The following CDH13 variants were observed in gnomAD, a reference collection of about 807,000 sequenced individuals.
CDH13 encodes the protein cadherin 13, also known as cadherin-13.
CDH13 carries 24 observed loss-of-function variants against 63.8 expected under a neutral mutation model. That is an observed-to-expected ratio of 0.38 (90% CI 0.27 to 0.53). The LOEUF is 0.53. Among genes scored for constraint, CDH13 ranks in the 20% least tolerant of loss-of-function variants. The pLI is 0.85. For missense variants in CDH13, 1,049 were observed against 903.1 expected (o/e 1.16, Z -2.07); for synonymous variants, 503 against 355.3 (o/e 1.42, Z -4.67).
chr16:82,841,354 G>A (rs1011264392), intron 1 of CDH13, among the ~76,000 whole-genome samples: 1 of 152,152 alleles, frequency 6.6e-6, no homozygotes, highest in Non-Finnish European at 1.5e-5. Flanking sequence ...TAACTATCAT[G>A]GGAGATACTA....
chr16:82,755,753 T>C (rs2034590091), intron 1 of CDH13, among the ~76,000 whole-genome samples: 1 of 152,204 alleles, frequency 6.6e-6, no homozygotes, highest in Non-Finnish European at 1.5e-5. Flanking sequence ...CTAGAATCCG[T>C]TGTGGCGGGA....
intron 7 of CDH13, among the ~76,000 whole-genome samples, chr16:83,502,352 A>G (rs2074301957): frequency 6.6e-6 from 1 of 152,150 alleles, no homozygotes; most frequent in South Asian, 2.1e-4. Context: ...CCCACCATGC[A>G]AGGGCTGTGG....
At chr16:83,031,879 A>G in intron 2 of CDH13, 131 bp from the exon 3 acceptor site, 1 of 714,996 alleles carries the variant, frequency 1.4e-6, no homozygotes, top group East Asian at 2.7e-5. Context: ...TTGCTGTGGG[A>G]TAAAACGTAA....
chr16:82,668,145 C>G (rs918552888), intron 1 of CDH13, among the ~76,000 whole-genome samples: 1 of 152,206 alleles, frequency 6.6e-6, no homozygotes, highest in East Asian at 1.9e-4. Flanking sequence ...CAAAGACTTG[C>G]AGGAGGCAGC....
chr16:83,105,640 T>C (rs985527238), intron 3 of CDH13, among the ~76,000 whole-genome samples: 4 of 151,044 alleles, frequency 2.6e-5, no homozygotes, highest in African/African-American at 9.9e-5. Context: ...ATGAATTAAA[T>C]AGATACTACT....
intron 4 of CDH13, among the ~76,000 whole-genome samples, chr16:83,135,272 G>A (rs529258086): frequency 6.6e-6 from 1 of 152,336 alleles, no homozygotes; most frequent in Middle Eastern, 3.4e-3. Flanking sequence ...GAACGGCAAT[G>A]CTGAGACCCA....
intron 1 of CDH13, among the ~76,000 whole-genome samples, chr16:82,669,017 C>T (rs767202079): frequency 3.3e-5 from 5 of 152,202 alleles, no homozygotes; most frequent in African/African-American, 9.7e-5. Flanking sequence ...ATATTGCTCT[C>T]ATTGCCATCC....
chr16:82,843,821 A>G (rs909418905), intron 1 of CDH13, among the ~76,000 whole-genome samples: 2 of 152,212 alleles, frequency 1.3e-5, no homozygotes, highest in African/African-American at 4.8e-5. Context: ...CTAGGCAACA[A>G]AAGTTCATAG....
At chr16:83,327,004 CA>C (rs2090378148) in intron 5 of CDH13, among the ~76,000 whole-genome samples, 1 of 152,112 alleles carries the variant, frequency 6.6e-6, no homozygotes, top group South Asian at 2.1e-4. Flanking sequence ...CTTTTGTGCA[CA>C]AGTGAAAGAA....
At chr16:82,772,431 C>A (rs945234552) in intron 1 of CDH13, among the ~76,000 whole-genome samples, 1 of 152,084 alleles carries the variant, frequency 6.6e-6, no homozygotes, top group South Asian at 2.1e-4. Context: ...CCTGCCCCTG[C>A]CCACACAGGC....
chr16:83,404,339 C>A (rs1316321004), intron 6 of CDH13, among the ~76,000 whole-genome samples: 6 of 152,202 alleles, frequency 3.9e-5, no homozygotes, highest in African/African-American at 1.2e-4. Flanking sequence ...TTCTGCCTGA[C>A]CTTGTTTCTT....
At chr16:83,325,646 G>A (rs932323498) in intron 5 of CDH13, among the ~76,000 whole-genome samples, 1 of 152,074 alleles carries the variant, frequency 6.6e-6, no homozygotes. Flanking sequence ...ATAACTCGAC[G>A]ACCTCTATTC....
intron 7 of CDH13, among the ~76,000 whole-genome samples, chr16:83,563,233 G>C (rs1258236147): frequency 6.6e-6 from 1 of 152,174 alleles, no homozygotes; most frequent in Admixed American, 6.5e-5. Context: ...TAATAACATG[G>C]GGAAGCATTA....
chr16:82,935,631 G>T (rs972666079), intron 2 of CDH13, among the ~76,000 whole-genome samples: 1 of 152,136 alleles, frequency 6.6e-6, no homozygotes, highest in Non-Finnish European at 1.5e-5. Flanking sequence ...TCAGAATCAC[G>T]TATAGCAGGG....
At chr16:82,858,499 T>C in intron 2 of CDH13, 26 bp downstream of exon 2, 1 of 1,307,140 alleles carries the variant, frequency 7.7e-7, no homozygotes, top group South Asian at 1.2e-5. Context: ...CAAAGATGCT[T>C]TTAGACTCTT....
At chr16:83,751,705 A>G (rs1216853245) in intron 11 of CDH13, among the ~76,000 whole-genome samples, 2 of 152,240 alleles carry the variant, frequency 1.3e-5, no homozygotes, top group Non-Finnish European at 2.9e-5. Context: ...ACCAGAGGGG[A>G]AGAACCTAGA....
chr16:83,276,216 T>C (rs1340038318), intron 5 of CDH13, among the ~76,000 whole-genome samples: 2 of 152,150 alleles, frequency 1.3e-5, no homozygotes, highest in African/African-American at 2.4e-5. Flanking sequence ...CTGCTTGATA[T>C]ATTTCATTTA....
At chr16:83,058,047 G>A (rs997131828) in intron 3 of CDH13, among the ~76,000 whole-genome samples, 2 of 152,140 alleles carry the variant, frequency 1.3e-5, no homozygotes, top group South Asian at 2.1e-4. Flanking sequence ...TCAAAAGTAA[G>A]AATATTTACT....
At chr16:82,751,320 T>C (rs1044140056) in intron 1 of CDH13, among the ~76,000 whole-genome samples, 135 of 152,286 alleles carry the variant, frequency 8.9e-4, no homozygotes, top group African/African-American at 3.0e-3. Flanking sequence ...GATTTTTTTT[T>C]GTGTTTTGTA....
Sources: gnomAD v4.1 joint callset for allele counts (sites outside exome capture counted in the v4.1 genomes callset) on GRCh38, gnomAD v4.1.1 for gene constraint, MANE v1.5 for transcripts, NCBI Gene and HGNC (gene_info 2026-07-23, HGNC 2026-07-21) for gene names.